FBXO36: variants seen among roughly 807,000 people sequenced by gnomAD.
The protein encoded by FBXO36 is F-box protein 36.
Under a neutral mutation model 17.0 loss-of-function variants are expected in FBXO36, and 18 were observed. The observed-to-expected ratio is 1.06, with a 90% CI of 0.73 to 1.57. The LOEUF (loss-of-function observed/expected upper bound fraction) is 1.57, where lower values mean the gene tolerates loss of function less well. FBXO36 is among the 40% of genes most tolerant of loss of function. The pLI, the probability that FBXO36 is intolerant of heterozygous loss-of-function variation, is 0.00. For missense variants in FBXO36, 229 were observed against 221.9 expected, an observed-to-expected ratio of 1.03 and a Z score of -0.20; for synonymous variants, 83 against 85.3, an observed-to-expected ratio of 0.97 and a Z score of 0.15.
chr2:229,946,265 C>T (rs1000201375), intron 1 of FBXO36, among the ~76,000 whole-genome samples: 2 of 152,172 alleles, frequency 1.3e-5, no homozygotes, highest in African/African-American at 4.8e-5. Context: ...ATAGTTTATG[C>T]TCGTCCTACC....
chr2:229,942,231 C>A (rs1006918046), intron 1 of FBXO36, among the ~76,000 whole-genome samples: 1 of 152,084 alleles, frequency 6.6e-6, no homozygotes, highest in African/African-American at 2.4e-5. Context: ...TAGGAGGCAG[C>A]GTCCTTCCCC....
chr2:229,979,810 T>A (rs535424692), intron 2 of FBXO36, among the ~76,000 whole-genome samples: 54 of 152,124 alleles, frequency 3.5e-4, no homozygotes, highest in African/African-American at 1.3e-3. Context: ...ATTTATAAAA[T>A]TCATTGTTGG....
intron 3 of FBXO36, among the ~76,000 whole-genome samples, chr2:230,003,760 T>C (rs1165444468): frequency 6.6e-6 from 1 of 152,190 alleles, no homozygotes; most frequent in East Asian, 1.9e-4. Context: ...TCTTGAACTC[T>C]TGAACTCAGG....
intron 1 of FBXO36, among the ~76,000 whole-genome samples, chr2:229,936,272 A>G (rs1034459584): frequency 2.0e-5 from 3 of 152,158 alleles, no homozygotes; most frequent in Non-Finnish European, 2.9e-5. Context: ...TCATGCTTCT[A>G]TATTGCTGTG....
chr2:229,995,784 G>T (rs2077323990), intron 2 of FBXO36, among the ~76,000 whole-genome samples: 2 of 151,520 alleles, frequency 1.3e-5, no homozygotes, highest in South Asian at 2.1e-4. Context: ...TAGAGACAGG[G>T]TTTCTCCATG....
intron 1 of FBXO36, among the ~76,000 whole-genome samples, chr2:229,957,561 A>G (rs545530891): frequency 6.6e-6 from 1 of 152,326 alleles, no homozygotes; most frequent in Non-Finnish European, 1.5e-5. Context: ...TGGGCGATAG[A>G]GTGTGACTGT....
intron 1 of FBXO36, among the ~76,000 whole-genome samples, chr2:229,974,981 G>C (rs916025011): frequency 6.6e-6 from 1 of 152,052 alleles, no homozygotes; most frequent in Non-Finnish European, 1.5e-5. Flanking sequence ...TTCTCAAATC[G>C]GTGGAAGTTT....
intron 2 of FBXO36, among the ~76,000 whole-genome samples, chr2:229,993,063 A>T (rs2077305911): frequency 6.6e-6 from 1 of 152,126 alleles, no homozygotes. Context: ...GTTTAACCCT[A>T]TATATCATAA....
chr2:229,943,494 C>A (rs2077010760), intron 1 of FBXO36, among the ~76,000 whole-genome samples: 2 of 151,966 alleles, frequency 1.3e-5, no homozygotes, highest in South Asian at 4.1e-4. Flanking sequence ...ATAAATAAGG[C>A]TGTGCAAGGC....
At chr2:229,957,301 G>T (rs1052453389) in intron 1 of FBXO36, among the ~76,000 whole-genome samples, 2 of 152,212 alleles carry the variant, frequency 1.3e-5, no homozygotes, top group African/African-American at 4.8e-5. Context: ...AGTAGGCCGG[G>T]CACGGTGGCT....
At chr2:229,995,032 T>G (rs1200969682) in intron 2 of FBXO36, among the ~76,000 whole-genome samples, 1 of 152,050 alleles carries the variant, frequency 6.6e-6, no homozygotes, top group Non-Finnish European at 1.5e-5. Context: ...GAGAATTGCT[T>G]GAACCCAGGG....
rs561372524 is a variant in FBXO36, at chr2:230,000,380, A to C, written c.378+3457A>C. On this transcript the variant is annotated intron_variant, in intron 3 of 3. Transcript: ENST00000283946. ...CAAAAAAAAAAAAAAAAAAAAAAAGAAGCAGCAGCAGCTGATTATTCATAC... is the reference window on the plus strand; with the variant it reads ...CAAAAAAAAAAAAAAAAAAAAAAAGCAGCAGCAGCAGCTGATTATTCATAC... Among the ~76,000 whole-genome samples, 73 of 146,056 alleles carry C rather than the reference A, an allele frequency of 5.0e-4. 1 individual carries two copies. Among genetic ancestry groups the C allele is most frequent in the South Asian group, 1.8e-3 (8 of 4,504 alleles).
At chr2:229,943,817 C>T (rs572153011) in intron 1 of FBXO36, among the ~76,000 whole-genome samples, 1 of 152,234 alleles carries the variant, frequency 6.6e-6, no homozygotes, top group South Asian at 2.1e-4. Context: ...ATTCTTCCCC[C>T]AAATATGGTT....
chr2:229,933,663 T>G (rs976976226), intron 1 of FBXO36, among the ~76,000 whole-genome samples: 4 of 152,130 alleles, frequency 2.6e-5, no homozygotes. Context: ...GAGTACAGCC[T>G]ATGGAAAATA....
At chr2:229,955,299 T>C (rs954680904) in intron 1 of FBXO36, among the ~76,000 whole-genome samples, 1 of 152,118 alleles carries the variant, frequency 6.6e-6, no homozygotes, top group African/African-American at 2.4e-5. Context: ...TCCCAGCACT[T>C]TGGGAGACTA....
At chr2:229,979,706 G>T (rs1169072775) in intron 2 of FBXO36, among the ~76,000 whole-genome samples, 1 of 151,714 alleles carries the variant, frequency 6.6e-6, no homozygotes, top group African/African-American at 2.4e-5. Context: ...CTTGAACCCG[G>T]GAGGCGGAGT....
At chr2:229,972,152 C>G (rs1408072404) in intron 1 of FBXO36, among the ~76,000 whole-genome samples, 1 of 151,852 alleles carries the variant, frequency 6.6e-6, no homozygotes, top group East Asian at 1.9e-4. Context: ...TGCCACCATG[C>G]CCAGCTAATT....
At chr2:230,001,417 A>G (rs2077357997) in intron 3 of FBXO36, among the ~76,000 whole-genome samples, 1 of 151,600 alleles carries the variant, frequency 6.6e-6, no homozygotes, top group South Asian at 2.1e-4. Context: ...CCTCCCGAGT[A>G]GCTGGGATTA....
At chr2:229,986,440 C>T (rs1355085104) in intron 2 of FBXO36, among the ~76,000 whole-genome samples, 4 of 152,064 alleles carry the variant, frequency 2.6e-5, no homozygotes, top group African/African-American at 4.8e-5. Flanking sequence ...GAGGTCACGG[C>T]TGCTGTGATT....
Sources: allele counts gnomAD v4.1 joint callset (sites outside exome capture counted in the v4.1 genomes callset), GRCh38; gene constraint gnomAD v4.1.1; transcripts MANE v1.5; gene names NCBI Gene and HGNC (gene_info 2026-07-23, HGNC 2026-07-21).